The following TRAPPC11 variants were observed in gnomAD, a reference collection of about 807,000 sequenced individuals.
TRAPPC11 encodes trafficking protein particle complex subunit 11.
A neutral mutation model predicts 151.2 loss-of-function variants in TRAPPC11; 104 were observed. The observed-to-expected ratio is 0.69, with a 90% CI of 0.59 to 0.81. The LOEUF is 0.81. Among genes scored for constraint, TRAPPC11 ranks in the 30% least tolerant of loss-of-function variants. The pLI, the probability that TRAPPC11 is intolerant of heterozygous loss-of-function variation, is 0.00. For missense variants in TRAPPC11, 1,230 were observed against 1,349.6 expected (o/e 0.91, Z 1.39); for synonymous variants, 456 against 472.3 (o/e 0.97, Z 0.45).
In TRAPPC11 at chr4:183,684,364, G is replaced by A; in HGVS notation, c.1421+5G>A. ...GGATTATACCAAAGCTTTGAAGTGA[G>A]TCCTGTTCACTATTTACTTTTACAA... On this transcript the variant is annotated splice_donor_5th_base_variant and intron_variant, in intron 14 of 29. Coordinates refer to ENST00000334690, the MANE Select transcript of TRAPPC11 (RefSeq NM_021942.6). 1 of 1,610,518 alleles carries A rather than the reference G, an allele frequency of 6.2e-7. No homozygotes were observed.
chr4:183,701,553 A>G (rs1736799881), intron 25 of TRAPPC11, 144 bp from the exon 26 acceptor site: 2 of 581,418 alleles, frequency 3.4e-6, no homozygotes, highest in African/African-American at 3.7e-5. Flanking sequence ...AAGTCATTTA[A>G]CATCTCTGAA....
In TRAPPC11 at chr4:183,706,936, A is replaced by C; in HGVS notation, c.3185A>C (p.Lys1062Thr). Reference sequence around the variant, plus strand: ...GATGCCTTCATGTTCTCAGGTCTCAAACAGGTACAGGTCATATCTTGTGAT... The same window carrying C: ...GATGCCTTCATGTTCTCAGGTCTCACACAGGTACAGGTCATATCTTGTGAT... ...PSDAFMFSGL[K>T]QIRLRILPGT... Residue 1062 changes from lysine to threonine, a missense_variant, in exon 28 of 30, where the codon AAA becomes ACA. Physicochemically the swap from Lys to Thr is moderately conservative, Grantham distance 78. Coordinates refer to ENST00000334690, the MANE Select transcript of TRAPPC11 (RefSeq NM_021942.6). 1 of 1,614,122 alleles carries C rather than the reference A, an allele frequency of 6.2e-7. No individual in the cohort carries two copies. Among genetic ancestry groups the C allele is most frequent in the Non-Finnish European group, 8.5e-7 (1 of 1,180,010 alleles).
intron 5 of TRAPPC11, among the ~76,000 whole-genome samples, chr4:183,668,581 T>G (rs775882624): frequency 4.6e-5 from 7 of 152,250 alleles, no homozygotes; most frequent in Non-Finnish European, 1.0e-4. Context: ...TATGTCCTTT[T>G]TTGTGAGAGT....
intron 29 of TRAPPC11, among the ~76,000 whole-genome samples, chr4:183,711,595 G>A (rs1209706498): frequency 3.9e-5 from 6 of 152,226 alleles, no homozygotes; most frequent in Non-Finnish European, 7.4e-5. Flanking sequence ...CATTCCTGCC[G>A]TGAATGTCTG....
In TRAPPC11 at chr4:183,674,674, T is replaced by TTATTG. The variant is rs760214582; in HGVS notation, c.561-38_561-37insATTGT. The TTATTG allele has an allele frequency of 4.1e-4, 499 of 1,221,964 alleles. 2 individuals carry two copies. The African/African-American group carries it at 6.8e-3, about 17-fold the overall frequency. 75.7% of individuals were successfully genotyped at this position (1,221,964 alleles called of 1,614,324 possible). On this transcript the variant is annotated intron_variant, in intron 5 of 29. Transcript: ENST00000334690. ...TCTTGAAAAGTTTGGTTTAAAATAA[T>TTATTG]TCAATATGTAAATGCTTGTTTGTTT...
rs1302835945 is a variant in TRAPPC11 at position 183,712,634 on chromosome 4, C to G, written c.3392C>G (p.Ala1131Gly). The part of the protein sequence containing the change: ...QGRLMDDTSI[A>G]AA ...CGACTCATGGATGATACCTCTATTG[C>G]TGCTGCATGATGTTCAAGACCGGCC... The change falls in exon 30 of 30, where the codon GCT becomes GGT. Residue 1131 changes from alanine (A) to glycine (G), a missense_variant. By Grantham distance (60) the Ala-to-Gly change is moderately conservative. Coordinates refer to ENST00000334690, the MANE Select transcript of TRAPPC11 (RefSeq NM_021942.6). 1 of 1,614,124 alleles carries G rather than the reference C, an allele frequency of 6.2e-7. No individual in the cohort carries two copies. The highest frequency in any genetic ancestry group is 8.5e-7 in the Non-Finnish European group (1 of 1,180,000).
At chr4:183,700,092 G>A (rs1292292939) in intron 25 of TRAPPC11, among the ~76,000 whole-genome samples, 1 of 152,044 alleles carries the variant, frequency 6.6e-6, no homozygotes, top group Non-Finnish European at 1.5e-5. Flanking sequence ...GATTACAAGC[G>A]TGAGCCACCA....
chr4:183,680,298 A>T, intron 10 of TRAPPC11, 31 bp downstream of exon 10: 1 of 1,593,376 alleles, frequency 6.3e-7, no homozygotes, highest in Non-Finnish European at 8.5e-7. Context: ...TATCTAGCAC[A>T]TAGAAAAGTT....
At chr4:183,681,898 A>G (rs558946355) in intron 10 of TRAPPC11, among the ~76,000 whole-genome samples, 32 of 152,338 alleles carry the variant, frequency 2.1e-4, no homozygotes, top group African/African-American at 7.2e-4. Flanking sequence ...TAAATTCTGA[A>G]ATAAGTACCA....
chr4:183,674,121 T>A (rs1735291274), intron 5 of TRAPPC11, among the ~76,000 whole-genome samples: 1 of 152,108 alleles, frequency 6.6e-6, no homozygotes, highest in Non-Finnish European at 1.5e-5. Flanking sequence ...TCCAATCAAA[T>A]TTTAGGCCAG....
chr4:183,667,274 A>T, intron 4 of TRAPPC11, 144 bp downstream of exon 4: 1 of 585,956 alleles, frequency 1.7e-6, no homozygotes, highest in East Asian at 2.8e-5. Flanking sequence ...CACCAATGAT[A>T]CATGAACAAA....
In TRAPPC11 at chr4:183,693,923, A is replaced by G; in HGVS notation, c.2393A>G (p.Asp798Gly). The G allele has an allele frequency of 5.6e-6, 9 of 1,613,366 alleles. No homozygotes were observed. The highest frequency in any genetic ancestry group is 7.6e-6 in the Non-Finnish European group (9 of 1,179,478). Residue 798 changes from aspartate (D) to glycine (G), a missense_variant, in exon 22 of 30, where the codon GAT becomes GGT. Coordinates refer to ENST00000334690, the MANE Select transcript of TRAPPC11 (RefSeq NM_021942.6). Reference sequence around the variant, plus strand: ...CCAATATTAACTCTTTTAGGACAGGATGCCAATTTAACTCAGAAGACTCAC... The same window carrying G: ...CCAATATTAACTCTTTTAGGACAGGGTGCCAATTTAACTCAGAAGACTCAC... ...KLTAGLKPGQDANLTQKTHVT... is the reference protein window; with the variant it reads ...KLTAGLKPGQGANLTQKTHVT...
At chr4:183,673,412 G>C (rs946882975) in intron 5 of TRAPPC11, among the ~76,000 whole-genome samples, 1 of 152,284 alleles carries the variant, frequency 6.6e-6, no homozygotes, top group South Asian at 2.1e-4. Context: ...GAGGGTTTAT[G>C]CCTGTAATCC....
intron 5 of TRAPPC11, among the ~76,000 whole-genome samples, chr4:183,670,963 C>G (rs545936221): frequency 6.6e-6 from 1 of 152,136 alleles, no homozygotes; most frequent in Admixed American, 6.5e-5. Flanking sequence ...AACTCCTGAC[C>G]TCATGATCCA....
At chr4:183,697,438 T>G in intron 23 of TRAPPC11, 65 bp from the exon 24 acceptor site, 2 of 1,494,488 alleles carry the variant, frequency 1.3e-6, no homozygotes, top group Non-Finnish European at 1.8e-6. Context: ...TAGGTTGTGT[T>G]TTTTAAAACT....
chr4:183,666,172 C>G, intron 2 of TRAPPC11, 85 bp from the exon 3 acceptor site: 1 of 1,261,192 alleles, frequency 7.9e-7, no homozygotes, highest in Non-Finnish European at 1.1e-6. Context: ...TGAATGAGAT[C>G]AATGCACATA....
Position 183,712,800 on chromosome 4 carries a change from A to G in TRAPPC11, c.*156A>G, listed in dbSNP as rs1351233576. 1.7e-6 allele frequency: 1 copy of G among 578,288 alleles called. No individual in the cohort carries two copies. Among genetic ancestry groups the G allele is most frequent in the Non-Finnish European group, 3.0e-6 (1 of 334,922 alleles). 35.8% of individuals were successfully genotyped at this position (578,288 alleles called of 1,614,324 possible). A position where few individuals can be genotyped will look rare whatever the true frequency, so the allele number is the denominator to read the frequency against. On this transcript the variant is annotated 3_prime_UTR_variant, in exon 30 of 30. Transcript: ENST00000334690. ...ACTATTCAGAGGAACTCATACTTCA[A>G]AAATATTAGGAAAATCTGTCTTATA...
At chr4:183,664,438 A>G (rs1017638778) in intron 2 of TRAPPC11, among the ~76,000 whole-genome samples, 14 of 152,054 alleles carry the variant, frequency 9.2e-5, no homozygotes, top group African/African-American at 3.4e-4. Flanking sequence ...AATTTCACAG[A>G]TTTTTTGAGC....
intron 17 of TRAPPC11, among the ~76,000 whole-genome samples, chr4:183,686,288 C>A (rs1165577988): frequency 6.6e-6 from 1 of 151,500 alleles, no homozygotes; most frequent in African/African-American, 2.4e-5. Flanking sequence ...AGGTGCACAC[C>A]ACCATGCCCG....
Sources: gnomAD v4.1 joint callset for allele counts (sites outside exome capture counted in the v4.1 genomes callset) on GRCh38, gnomAD v4.1.1 for gene constraint, MANE v1.5 for transcripts, NCBI Gene and HGNC (gene_info 2026-07-23, HGNC 2026-07-21) for gene names.